Variants in NRG2 observed in about 807,000 individuals in gnomAD.
NRG2 encodes pro-neuregulin-2, membrane-bound isoform.
Under a neutral mutation model 73.9 loss-of-function variants are expected in NRG2, and 27 were observed. That is an observed-to-expected ratio of 0.37 (90% CI 0.27 to 0.50). The LOEUF is 0.50. NRG2 is among the 20% of genes least tolerant of loss of function. The pLI, the probability that NRG2 is intolerant of heterozygous loss-of-function variation, is 0.96. For missense variants in NRG2, 1,126 were observed against 1,210.1 expected, an observed-to-expected ratio of 0.93 and a Z score of 1.03; for synonymous variants, 532 against 541.0, an observed-to-expected ratio of 0.98 and a Z score of 0.23.
intron 1 of NRG2, among the ~76,000 whole-genome samples, chr5:139,897,608 C>T (rs765559028): frequency 1.3e-5 from 2 of 152,172 alleles, no homozygotes; most frequent in Non-Finnish European, 2.9e-5. Flanking sequence ...GGTAGGTGTT[C>T]ACTGATCACA....
chr5:139,897,936 C>G (rs1269568918), intron 1 of NRG2, among the ~76,000 whole-genome samples: 2 of 152,224 alleles, frequency 1.3e-5, no homozygotes, highest in African/African-American at 4.8e-5. Flanking sequence ...GGGGCAGCCT[C>G]CTTCCATGAG....
At chr5:139,953,122 G>T (rs1239328365) in intron 1 of NRG2, among the ~76,000 whole-genome samples, 3 of 152,196 alleles carry the variant, frequency 2.0e-5, no homozygotes, top group Non-Finnish European at 4.4e-5. Context: ...GGGGTGACGT[G>T]GGGAGGGAGT....
chr5:139,988,371 T>C (rs1347885718), intron 1 of NRG2, among the ~76,000 whole-genome samples: 2 of 152,070 alleles, frequency 1.3e-5, no homozygotes, highest in African/African-American at 2.4e-5. Flanking sequence ...TCATCTTCTA[T>C]AATTGCCAAA....
intron 1 of NRG2, among the ~76,000 whole-genome samples, chr5:139,900,617 C>T (rs529443686): frequency 6.6e-6 from 1 of 152,230 alleles, no homozygotes; most frequent in African/African-American, 2.4e-5. Context: ...TCCTAAGCCC[C>T]TCTTCCATAT....
chr5:139,878,482 G>A (rs1418258126), intron 3 of NRG2, among the ~76,000 whole-genome samples: 1 of 152,140 alleles, frequency 6.6e-6, no homozygotes, highest in Non-Finnish European at 1.5e-5. Context: ...ACATGAGAGA[G>A]GCCCATTTTA....
chr5:139,924,700 C>T (rs577783464), intron 1 of NRG2, among the ~76,000 whole-genome samples: 3 of 152,224 alleles, frequency 2.0e-5, no homozygotes, highest in African/African-American at 7.2e-5. Context: ...TTTGGGGAGG[C>T]TCAGCTAATC....
chr5:139,953,154 G>C (rs1385231432), intron 1 of NRG2, among the ~76,000 whole-genome samples: 2 of 152,162 alleles, frequency 1.3e-5, no homozygotes, highest in Non-Finnish European at 2.9e-5. Flanking sequence ...CTTAACCATG[G>C]GCTGTGGCCG....
At chr5:140,026,013 G>C (rs1160959134) in intron 1 of NRG2, among the ~76,000 whole-genome samples, 1 of 152,186 alleles carries the variant, frequency 6.6e-6, no homozygotes, top group African/African-American at 2.4e-5. Flanking sequence ...AAAAAGCTTT[G>C]AGGAGAAGTG....
chr5:139,959,776 G>A (rs1239351230), intron 1 of NRG2, among the ~76,000 whole-genome samples: 2 of 152,162 alleles, frequency 1.3e-5, no homozygotes, highest in South Asian at 2.1e-4. Flanking sequence ...GCCTCCTAAA[G>A]TGTTGGGATT....
intron 9 of NRG2, 78 bp from the exon 10 acceptor site, chr5:139,848,775 G>GGTC: frequency 1.7e-6 from 1 of 601,718 alleles, no homozygotes. Context: ...GTGGGGTAGG[G>GGTC]TGGGAGGGGC....
At chr5:139,938,670 T>C (rs531262330) in intron 1 of NRG2, among the ~76,000 whole-genome samples, 26 of 152,002 alleles carry the variant, frequency 1.7e-4, no homozygotes, top group African/African-American at 6.3e-4. Flanking sequence ...AGATATATTA[T>C]AAAGTTAAAA....
intron 1 of NRG2, among the ~76,000 whole-genome samples, chr5:139,991,471 A>G (rs1374495968): frequency 1.3e-5 from 2 of 151,884 alleles, no homozygotes; most frequent in African/African-American, 4.8e-5. Flanking sequence ...TAATATAACT[A>G]TTATCTGAGA....
chr5:139,909,804 C>T (rs1255994851), intron 1 of NRG2, among the ~76,000 whole-genome samples: 1 of 152,246 alleles, frequency 6.6e-6, no homozygotes, highest in Non-Finnish European at 1.5e-5. Flanking sequence ...GGCCTGGATG[C>T]AGCCAGTCAG....
rs1761488293 is a variant in NRG2 at position 139,852,277 on chromosome 5, C to A, written c.1544+155G>T. 6.6e-6 allele frequency among the ~76,000 whole-genome samples: 1 copy of A among 152,242 alleles called. No individual in the cohort carries two copies. The highest frequency in any genetic ancestry group is 2.4e-5 in the African/African-American group (1 of 41,454). ...GCCTTTGTGCTGTGTGGACTGGCCT[C>A]TGCAGTTCTGGAGAGGAGGCTAAGG... On this transcript the variant is annotated intron_variant, in intron 8 of 9. Coordinates refer to ENST00000361474, the MANE Select transcript of NRG2 (RefSeq NM_004883.3). The surrounding 1 kb of genome is among the most constrained non-coding windows in gnomAD (Gnocchi z 4.4).
At chr5:139,921,733 A>G (rs1751679825) in intron 1 of NRG2, among the ~76,000 whole-genome samples, 1 of 152,176 alleles carries the variant, frequency 6.6e-6, no homozygotes, top group Non-Finnish European at 1.5e-5. Context: ...GGCATAATAT[A>G]TGAAAGAAAT....
At position 139,847,979 on chromosome 5, in the gene NRG2, C is replaced by A; in HGVS notation, c.2491G>T (p.Ala831Ser). The change falls in exon 10 of 10, where the codon GCC becomes TCC. Residue 831 changes from alanine to serine, a missense_variant. This residue lies in a region of NRG2 where 402 missense variants were observed against 357.8 expected (regional missense o/e 1.12). Transcript: ENST00000361474. Reference protein sequence around the residue: ...YYSLDSHSTRASSRHSRGPPP... With the variant: ...YYSLDSHSTRSSSRHSRGPPP... ...GGCCCGCGGCTGTGTCTGCTGCTGGCCCGCGTGCTGTGGCTGTCCAGTGAG... is the reference window on the plus strand; with the variant it reads ...GGCCCGCGGCTGTGTCTGCTGCTGGACCGCGTGCTGTGGCTGTCCAGTGAG... 6.6e-7 allele frequency: 1 copy of A among 1,513,656 alleles called. No individual in the cohort carries two copies. Among genetic ancestry groups the A allele is most frequent in the East Asian group, 2.7e-5 (1 of 37,002 alleles). 93.8% of individuals were successfully genotyped at this position (1,513,656 alleles called of 1,614,324 possible). A position where few individuals can be genotyped will look rare whatever the true frequency, so the allele number is the denominator to read the frequency against.
chr5:139,985,709 GAC>G (rs1301888628), intron 1 of NRG2, among the ~76,000 whole-genome samples: 1 of 152,162 alleles, frequency 6.6e-6, no homozygotes, highest in Non-Finnish European at 1.5e-5. Flanking sequence ...AATCTCAGGG[GAC>G]AGCTTGCCCA....
intron 2 of NRG2, among the ~76,000 whole-genome samples, chr5:139,882,860 G>A (rs1404369237): frequency 6.6e-6 from 1 of 152,106 alleles, no homozygotes; most frequent in Non-Finnish European, 1.5e-5. Flanking sequence ...GTGAGACCTG[G>A]AGAAGGCAGG....
intron 1 of NRG2, among the ~76,000 whole-genome samples, chr5:140,032,639 T>C (rs1265347740): frequency 3.3e-5 from 5 of 152,184 alleles, no homozygotes; most frequent in Admixed American, 3.3e-4. Context: ...ATATTTTAAA[T>C]TACTGCCCCT....
Sources: gnomAD v4.1 joint callset for allele counts (sites outside exome capture counted in the v4.1 genomes callset) on GRCh38, gnomAD v4.1.1 for gene constraint, gnomAD v4.1.1 regional missense constraint, Gnocchi (gnomAD v3.1) non-coding constraint, MANE v1.5 for transcripts, NCBI Gene and HGNC (gene_info 2026-07-23, HGNC 2026-07-21) for gene names.